Variants in TMC4 observed in about 807,000 individuals in gnomAD.
The protein encoded by TMC4 is transmembrane channel like 4.
Under a neutral mutation model 82.0 loss-of-function variants are expected in TMC4, and 70 were observed. That is an observed-to-expected ratio of 0.85 (90% CI 0.70 to 1.04). The LOEUF is 1.04. Ranked by LOEUF, TMC4 falls within the 50% of genes least tolerant of loss-of-function variation. The pLI, the probability that TMC4 is intolerant of heterozygous loss-of-function variation, is 0.00. For missense variants in TMC4, 879 were observed against 899.0 expected (o/e 0.98, Z 0.28); for synonymous variants, 446 against 406.0 (o/e 1.10, Z -1.18).
intron 5 of TMC4, among the ~76,000 whole-genome samples, chr19:54,166,339 A>C (rs1209131449): frequency 2.0e-5 from 3 of 148,188 alleles, no homozygotes; most frequent in Non-Finnish European, 4.4e-5. Flanking sequence ...AAAAAAAAAA[A>C]AAAAAAAGAC....
chr19:54,163,518 G>T, intron 8 of TMC4: 1 of 646,010 alleles, frequency 1.5e-6, no homozygotes, highest in East Asian at 2.8e-5. Flanking sequence ...ATGTTTGTCA[G>T]GCTGGTCTCG....
In TMC4 at chr19:54,162,783, G is replaced by A. The variant is rs1175200897; in HGVS notation, c.1405-13C>T. 2.5e-6 allele frequency: 4 copies of A among 1,612,094 alleles called. No homozygotes were observed. The Admixed American group carries it at 6.7e-5, about 27-fold the overall frequency. On this transcript the variant is annotated splice_polypyrimidine_tract_variant and intron_variant, in intron 9 of 14. Coordinates refer to ENST00000619895, the MANE Select transcript of TMC4 (RefSeq NM_144686.4). ...CAGTCTCCCAGCACTGAAGAAGGAA[G>A]AAATATATCAGAAAGAACTCGGGAC... is the stretch of plus-strand genomic sequence containing the variant.
At position 54,169,596 on chromosome 19, in the gene TMC4, G is replaced by A. The variant is rs758987586; in HGVS notation, c.358C>T (p.Arg120Trp). The change falls in exon 3 of 15, where the codon CGG becomes TGG. Residue 120 changes from arginine (R) to tryptophan (W), a missense_variant. Transcript: ENST00000619895. Reference sequence around the variant, plus strand: ...TTCTCCTTGGACCTCCGAAGTAGCCGCGCCCATCGGTCCGTCTTAGTTCCA... The same window carrying A: ...TTCTCCTTGGACCTCCGAAGTAGCCACGCCCATCGGTCCGTCTTAGTTCCA... ...GSGTKTDRWA[R>W]LLRRSKEKTK... 9 of 1,613,810 alleles carry A rather than the reference G, an allele frequency of 5.6e-6. No individual in the cohort carries two copies. The highest frequency in any genetic ancestry group is 1.7e-5 in the Admixed American group (1 of 59,968).
chr19:54,169,788 G>A, intron 2 of TMC4, 128 bp from the exon 3 acceptor site: 1 of 1,331,594 alleles, frequency 7.5e-7, no homozygotes, highest in Non-Finnish European at 9.9e-7. Flanking sequence ...AGAATACTCT[G>A]TAGCAATAAA....
Position 54,168,480 on chromosome 19 carries a change from C to G in TMC4, c.643G>C (p.Ala215Pro). Reference protein sequence around the residue: ...NPHSQGLVTFATQLFNLLSGE... With the variant: ...NPHSQGLVTFPTQLFNLLSGE... ...GAGAGCAAGTTGAAGAGCTGGGTGGCAAAGGTGACCAGGCCCTGGGAGTGG... is the reference window on the plus strand; with the variant it reads ...GAGAGCAAGTTGAAGAGCTGGGTGGGAAAGGTGACCAGGCCCTGGGAGTGG... Residue 215 changes from alanine (A) to proline (P), a missense_variant, in exon 4 of 15, where the codon GCC becomes CCC. By Grantham distance (27) the Ala-to-Pro change is conservative. Coordinates refer to ENST00000619895, the MANE Select transcript of TMC4 (RefSeq NM_144686.4). 8 of 1,546,478 alleles carry G rather than the reference C, an allele frequency of 5.2e-6. No homozygotes were observed. Among genetic ancestry groups the G allele is most frequent in the Non-Finnish European group, 7.0e-6 (8 of 1,145,126 alleles).
In TMC4 at chr19:54,165,330, G is replaced by C. The variant is rs1301304107; in HGVS notation, c.945+89C>G. ...GGAGCTGCTTAGCATCTCTCCGGAGGCCCCATCACCGAGTTAGGCCCTGTG... is the reference window on the plus strand; with the variant it reads ...GGAGCTGCTTAGCATCTCTCCGGAGCCCCCATCACCGAGTTAGGCCCTGTG... On this transcript the variant is annotated intron_variant, in intron 6 of 14. Coordinates refer to ENST00000619895, the MANE Select transcript of TMC4 (RefSeq NM_144686.4). 2.2e-6 allele frequency: 3 copies of C among 1,361,772 alleles called. No individual in the cohort carries two copies. The Admixed American group carries it at 7.2e-5, about 33-fold the overall frequency. 84.4% of individuals were successfully genotyped at this position (1,361,772 alleles called of 1,614,324 possible).
At chr19:54,162,930 A>C in intron 9 of TMC4, 103 bp downstream of exon 9, 1 of 1,581,788 alleles carries the variant, frequency 6.3e-7, no homozygotes, top group Non-Finnish European at 8.7e-7. Context: ...GTGTTCCAGC[A>C]CCCCAAGCTC....
chr19:54,161,087 GGGGAGAGAGGGA>G (rs760716151), intron 12 of TMC4, 31 bp downstream of exon 12: 15 of 1,605,446 alleles, frequency 9.3e-6, no homozygotes, highest in African/African-American at 1.3e-5. Flanking sequence ...AACACTGAAT[GGGGAGAGAGGGA>G]GGGAGAGAGG....
Position 54,164,602 on chromosome 19 carries a change from C to G in TMC4, c.946-1G>C. On this transcript the variant is annotated splice_acceptor_variant, in intron 6 of 14. Coordinates refer to ENST00000619895, the MANE Select transcript of TMC4 (RefSeq NM_144686.4). LOFTEE classifies it high-confidence loss of function. ...GCACCACTGTCTCCTCCAGCTCCAC[C>G]TGAAGGCAGGAGAGATGCCCGCTTG... The G allele has an allele frequency of 6.2e-7, 1 of 1,613,006 alleles. No individual in the cohort carries two copies. The highest frequency in any genetic ancestry group is 1.1e-5 in the South Asian group (1 of 91,068).
chr19:54,165,070 C>CTTTTTTT lies in TMC4; in HGVS notation c.945+342_945+348dup, dbSNP rs34861271. ...TTGTGCTTACTTAAAAAAAAACAAA[C>CTTTTTTT]TTTTTTTTTTTTTTTTTGGTAGAGA... On this transcript the variant is annotated intron_variant, in intron 6 of 14. Coordinates refer to ENST00000619895, the MANE Select transcript of TMC4 (RefSeq NM_144686.4). Among the ~76,000 whole-genome samples the CTTTTTTT allele has an allele frequency of 2.4e-3, 326 of 136,014 alleles. 2 individuals carry two copies. Among genetic ancestry groups the CTTTTTTT allele is most frequent in the African/African-American group, 8.2e-3 (297 of 36,190 alleles). 89.2% of individuals were successfully genotyped at this position (136,014 alleles called of 152,430 possible). A position where few individuals can be genotyped will look rare whatever the true frequency, so the allele number is the denominator to read the frequency against.
intron 1 of TMC4, 149 bp from the exon 2 acceptor site, chr19:54,172,232 G>T: frequency 2.6e-6 from 1 of 379,390 alleles, no homozygotes; most frequent in African/African-American, 3.0e-5. Context: ...CAGGAGTCCA[G>T]GCCCCCGGCT....
rs1270476646 is a variant in TMC4 at position 54,165,492 on chromosome 19, G to A, written c.872C>T (p.Ser291Leu). Residue 291 changes from serine to leucine, a missense_variant, in exon 6 of 15, where the codon TCG (serine) becomes TTG (leucine). Physicochemically the swap from Ser to Leu is moderately radical, Grantham distance 145 (BLOSUM62 -2). Coordinates refer to ENST00000619895, the MANE Select transcript of TMC4 (RefSeq NM_144686.4). ...ALTSYSHRVF[S>L]AWDFGLCGDV... ...CCCGCAGAGACCGAAGTCCCAGGCC[G>A]AGAACACCCGGTGGCTGTAGCTGGT... The A allele has an allele frequency of 3.7e-6, 6 of 1,612,996 alleles. No individual in the cohort carries two copies. Among genetic ancestry groups the A allele is most frequent in the Non-Finnish European group, 5.1e-6 (6 of 1,179,544 alleles).
intron 5 of TMC4, 93 bp downstream of exon 5, chr19:54,168,078 T>TG: frequency 7.2e-7 from 1 of 1,388,196 alleles, no homozygotes. Context: ...AAAAAAAGAC[T>TG]GAGGATTCTT....
intron 4 of TMC4, 56 bp from the exon 5 acceptor site, chr19:54,168,348 C>T: frequency 6.5e-7 from 1 of 1,537,022 alleles, no homozygotes; most frequent in Non-Finnish European, 8.8e-7. Context: ...GCTCCTGGAG[C>T]TGCACAGTCA....
chr19:54,163,182 T>A, intron 8 of TMC4, 23 bp from the exon 9 acceptor site: 1 of 1,612,950 alleles, frequency 6.2e-7, no homozygotes, highest in Non-Finnish European at 8.5e-7. Flanking sequence ...AGGCAGAGAA[T>A]GGGCCCTGAC....
rs776387997 is a variant in TMC4 at position 54,171,991 on chromosome 19, C to T, written c.172G>A (p.Glu58Lys). ...PGVLPWGALE[E>K]EEEDGGRSRK... ...CTCCTTCCTCCATCCTCCTCCTCCT[C>T]CTCCAGCGCCCCCCAAGGCAGCACC... Residue 58 changes from glutamate (E) to lysine (K), a missense_variant, in exon 2 of 15, where the codon GAG becomes AAG. By Grantham distance (56) the Glu-to-Lys change is moderately conservative. Coordinates refer to ENST00000619895, the MANE Select transcript of TMC4 (RefSeq NM_144686.4). 1.4e-5 allele frequency: 23 copies of T among 1,613,254 alleles called. No homozygotes were observed. In the East Asian group the frequency reaches 3.1e-4, roughly 22 times the overall value.
intron 5 of TMC4, among the ~76,000 whole-genome samples, chr19:54,166,133 CTT>C (rs2075697149): frequency 6.6e-6 from 1 of 151,500 alleles, no homozygotes; most frequent in Non-Finnish European, 1.5e-5. Flanking sequence ...AATCCCAGCA[CTT>C]TGGGAGGCCG....
rs750183786 is a variant in TMC4 at position 54,162,694 on chromosome 19, A to G, written c.1481T>C (p.Leu494Pro). The G allele has an allele frequency of 2.5e-6, 4 of 1,614,046 alleles. No homozygotes were observed. The highest frequency in any genetic ancestry group is 3.4e-6 in the Non-Finnish European group (4 of 1,179,994). ...TCACTTTCTAGGAAACTGGATGAGCAGCGCGACTGCCAAGACAGTCAGCAG... is the reference window on the plus strand; with the variant it reads ...TCACTTTCTAGGAAACTGGATGAGCGGCGCGACTGCCAAGACAGTCAGCAG... ...FDLLTVLAVA[L>P]LIQFPRKLLC... Residue 494 changes from leucine (L) to proline (P), a missense_variant, in exon 10 of 15, where the codon CTG (leucine) becomes CCG (proline). Transcript: ENST00000619895.
At chr19:54,171,254 A>G (rs1413993133) in intron 2 of TMC4, among the ~76,000 whole-genome samples, 5 of 151,954 alleles carry the variant, frequency 3.3e-5, no homozygotes, top group African/African-American at 7.3e-5. Flanking sequence ...GATTACAGGC[A>G]CCCGCCACCA....
Sources: allele counts gnomAD v4.1 joint callset (sites outside exome capture counted in the v4.1 genomes callset), GRCh38; gene constraint gnomAD v4.1.1; transcripts MANE v1.5; gene names NCBI Gene and HGNC (gene_info 2026-07-23, HGNC 2026-07-21).